The following PTAFR variants were observed in gnomAD, a reference collection of about 807,000 sequenced individuals.
PTAFR encodes platelet-activating factor receptor.
Under a neutral mutation model 14.7 loss-of-function variants are expected in PTAFR, and 8 were observed. The observed-to-expected ratio is 0.54, with a 90% CI of 0.32 to 0.98. The LOEUF is 0.98. Among genes scored for constraint, PTAFR ranks in the 50% least tolerant of loss-of-function variants. The pLI is 0.04. For synonymous variants in PTAFR, 156 were observed against 176.5 expected, an observed-to-expected ratio of 0.88 and a Z score of 0.92; for missense variants, 337 against 451.2, an observed-to-expected ratio of 0.75 and a Z score of 2.29.
upstream of PTAFR, among the ~76,000 whole-genome samples, chr1:28,180,425 G>C (rs2149005893): frequency 6.6e-6 from 1 of 152,274 alleles, no homozygotes; most frequent in South Asian, 2.1e-4. Flanking sequence ...GCCTGCAACA[G>C]GCAGGGAGGG....
At position 28,148,262 on chromosome 1, in the gene PTAFR, A is replaced by C. The variant is rs1646138204; in HGVS notation, c.*1731T>G. ...CACAAGCAGACATCTAGAGATCCCC[A>C]GGAGAAGCTGACACCTGGCTGACAC... On this transcript the variant is annotated 3_prime_UTR_variant, in exon 2 of 2. Transcript: ENST00000373857. The C allele has an allele frequency of 6.6e-6, 1 of 152,256 alleles. No individual in the cohort carries two copies. Among genetic ancestry groups the C allele is most frequent in the Non-Finnish European group, 1.5e-5 (1 of 68,122 alleles). The allele number at this position is 152,256 out of a possible 1,614,324, so 9.4% of individuals were successfully genotyped here.
At chr1:28,165,995 A>G (rs1029299078) in intron 1 of PTAFR, among the ~76,000 whole-genome samples, 3 of 152,242 alleles carry the variant, frequency 2.0e-5, no homozygotes, top group Non-Finnish European at 4.4e-5. Context: ...AAAGGACAAC[A>G]AATAGTCAAA....
chr1:28,176,203 G>T (rs994841231), intron 1 of PTAFR, among the ~76,000 whole-genome samples: 16 of 152,098 alleles, frequency 1.1e-4, no homozygotes, highest in Non-Finnish European at 1.8e-4. Context: ...AGCACTTTGG[G>T]AGGCCGAGGC....
In PTAFR at chr1:28,149,573, CT is replaced by C; in HGVS notation, c.*419del. On this transcript the variant is annotated 3_prime_UTR_variant, in exon 2 of 2. Transcript: ENST00000373857. ...TGGTCTCGATCTCTTGACCCATGATCTGCCCACCTCGGCCTCCCAAAGTGCT... is the reference window on the plus strand; with the variant it reads ...TGGTCTCGATCTCTTGACCCATGATCGCCCACCTCGGCCTCCCAAAGTGCT... 1 of 176,216 alleles carries C rather than the reference CT, an allele frequency of 5.7e-6. No individual in the cohort carries two copies. The highest frequency in any genetic ancestry group is 1.2e-4 in the South Asian group (1 of 8,078). The allele number at this position is 176,216 out of a possible 1,614,324, so 10.9% of individuals were successfully genotyped here.
chr1:28,191,559 C>A (rs964251314), intron 1 of PTAFR, among the ~76,000 whole-genome samples: 12 of 150,456 alleles, frequency 8.0e-5, no homozygotes, highest in African/African-American at 2.7e-4. Context: ...CATAGCGAAA[C>A]CTCATCTCTA....
At chr1:28,177,703 G>T (rs536971244), upstream of PTAFR, among the ~76,000 whole-genome samples, 9 of 151,620 alleles carry the variant, frequency 5.9e-5, no homozygotes, top group East Asian at 1.2e-3. Flanking sequence ...CTGAAAACAG[G>T]TTTGATTAGA....
At chr1:28,151,183 CTT>C (rs375423491) in intron 1 of PTAFR, 124 bp from the exon 2 acceptor site, 1,284 of 483,248 alleles carry the variant, frequency 2.7e-3, no homozygotes, top group Middle Eastern at 4.0e-3. Context: ...CATGTTGAAT[CTT>C]TTTTTTTTTT....
Position 28,150,357 on chromosome 1 carries a change from CGCT to C in PTAFR, c.662_664del (p.Gln221del). The C allele has an allele frequency of 6.2e-7, 1 of 1,613,996 alleles. No individual in the cohort carries two copies. Among genetic ancestry groups the C allele is most frequent in the Non-Finnish European group, 8.5e-7 (1 of 1,179,932 alleles). ...CGCCCGGCGCTTGACTTCAGCGTTGCGCTGCTGCTGCACCGGCTGCATGAGCAA... is the reference window on the plus strand; with the variant it reads ...CGCCCGGCGCTTGACTTCAGCGTTGCGCTGCTGCACCGGCTGCATGAGCAA... On this transcript the variant is annotated inframe_deletion, in exon 2 of 2. Transcript: ENST00000373857. This position sits in a 1 kb window ranked among gnomAD's most constrained non-coding sequence, Gnocchi z 6.3.
At position 28,150,951 on chromosome 1, in the gene PTAFR, A is replaced by G. The variant is rs755272663; in HGVS notation, c.71T>C (p.Ile24Thr). 1.2e-6 allele frequency: 2 copies of G among 1,613,942 alleles called. No individual in the cohort carries two copies. Among genetic ancestry groups the G allele is most frequent in the African/African-American group, 1.3e-5 (1 of 74,912 alleles). Residue 24 changes from isoleucine to threonine, a missense_variant, in exon 2 of 2, where the codon ATC becomes ACC. Physicochemically the swap from Ile to Thr is moderately conservative, Grantham distance 89. Transcript: ENST00000373857. This position sits in a 1 kb window ranked among gnomAD's most constrained non-coding sequence, Gnocchi z 6.3. ...AGCAATGACCCCGAGCACAAAGATG[A>G]TGCTGTAAACAATCGGGAAGAGAGT... ...RYTLFPIVYS[I>T]IFVLGVIANG...
intron 1 of PTAFR, among the ~76,000 whole-genome samples, chr1:28,175,608 G>A (rs1422427835): frequency 6.6e-6 from 1 of 151,898 alleles, no homozygotes; most frequent in Non-Finnish European, 1.5e-5. Context: ...CCTCCTGCAA[G>A]CAGAGGACGG....
chr1:28,187,990 C>A (rs1382637959), intron 1 of PTAFR, among the ~76,000 whole-genome samples: 1 of 148,316 alleles, frequency 6.7e-6, no homozygotes, highest in Non-Finnish European at 1.5e-5. Flanking sequence ...CCAGCCTGGG[C>A]AACATAGCAA....
At chr1:28,168,685 T>C (rs932202484) in intron 1 of PTAFR, among the ~76,000 whole-genome samples, 1 of 152,154 alleles carries the variant, frequency 6.6e-6, no homozygotes, top group African/African-American at 2.4e-5. Context: ...GTTTGTTTGT[T>C]TGAAATGAAG....
Position 28,183,451 on chromosome 1 carries a change from C to T in PTAFR, c.-39+10271G>A, listed in dbSNP as rs1017620652. Among the ~76,000 whole-genome samples the T allele has an allele frequency of 1.4e-4, 22 of 152,108 alleles. No individual in the cohort carries two copies. In the South Asian group the frequency reaches 3.5e-3, roughly 24 times the overall value. On this transcript the variant is annotated intron_variant, in intron 1 of 1. Transcript: ENST00000305392. ...GCACAGTGTCTCACGCCTATAAAAC[C>T]ACATCTCTACAAGAAATACAGAAAA...
intron 1 of PTAFR, among the ~76,000 whole-genome samples, chr1:28,182,139 C>T (rs939379126): frequency 2.0e-4 from 30 of 151,622 alleles, no homozygotes; most frequent in African/African-American, 6.5e-4. Context: ...AGTTCGAGAC[C>T]AGCCTGGCCA....
intron 1 of PTAFR, among the ~76,000 whole-genome samples, chr1:28,188,639 G>A (rs1646625292): frequency 6.6e-6 from 1 of 151,992 alleles, no homozygotes; most frequent in Non-Finnish European, 1.5e-5. Flanking sequence ...GCAGGCTGAG[G>A]CAGGAGAATC....
intron 1 of PTAFR, among the ~76,000 whole-genome samples, chr1:28,160,838 G>T (rs1646315685): frequency 6.6e-6 from 1 of 152,050 alleles, no homozygotes; most frequent in Non-Finnish European, 1.5e-5. Context: ...CGTCATCCTG[G>T]CTCTTCCTAC....
intron 1 of PTAFR, among the ~76,000 whole-genome samples, chr1:28,168,949 T>C (rs1646422785): frequency 6.6e-6 from 1 of 152,054 alleles, no homozygotes; most frequent in Admixed American, 6.6e-5. Flanking sequence ...ATTACCAGCA[T>C]GAGCCACTGC....
intron 1 of PTAFR, among the ~76,000 whole-genome samples, chr1:28,182,276 C>T (rs1376219436): frequency 6.6e-6 from 1 of 151,530 alleles, no homozygotes; most frequent in African/African-American, 2.4e-5. Context: ...GCAGAGATTT[C>T]AGTGAGCCAA....
chr1:28,172,619 G>T (rs1394384108), intron 1 of PTAFR, among the ~76,000 whole-genome samples: 1 of 152,188 alleles, frequency 6.6e-6, no homozygotes, highest in African/African-American at 2.4e-5. Context: ...TCCCTTCCCT[G>T]CTGTCCTCAG....
Sources: gnomAD v4.1 joint callset for allele counts (sites outside exome capture counted in the v4.1 genomes callset) on GRCh38, gnomAD v4.1.1 for gene constraint, Gnocchi (gnomAD v3.1) non-coding constraint, MANE v1.5 for transcripts, NCBI Gene and HGNC (gene_info 2026-07-23, HGNC 2026-07-21) for gene names.